KCNAB1: variants seen among roughly 807,000 people sequenced by gnomAD.
The protein encoded by KCNAB1 is voltage-gated potassium channel subunit beta-1.
Under a neutral mutation model 64.6 loss-of-function variants are expected in KCNAB1, and 35 were observed. The observed-to-expected ratio is 0.54, with a 90% CI of 0.41 to 0.72. The LOEUF (loss-of-function observed/expected upper bound fraction) is 0.72. Ranked by LOEUF, KCNAB1 falls within the 30% of genes least tolerant of loss-of-function variation. KCNAB1 has a pLI of 0.00. For missense variants in KCNAB1, 401 were observed against 512.9 expected, an observed-to-expected ratio of 0.78 and a Z score of 2.11; for synonymous variants, 177 against 183.8, an observed-to-expected ratio of 0.96 and a Z score of 0.30.
chr3:156,425,993 C>T lies in KCNAB1; in HGVS notation c.319+4334C>T, dbSNP rs552159286. 6.2e-4 allele frequency among the ~76,000 whole-genome samples: 94 copies of T among 152,052 alleles called. 1 individual carries two copies. The South Asian group carries it at 0.016, about 26-fold the overall frequency. On this transcript the variant is annotated intron_variant, in intron 2 of 13. Transcript: ENST00000490337. ...CGGCGACTCCAGAGGGAGACTCCAC[C>T]GAGGGGAGGTACTTGGGGAAATGGG... is the stretch of plus-strand genomic sequence containing the variant.
At chr3:156,241,080 C>CT (rs1717136139) in intron 1 of KCNAB1, among the ~76,000 whole-genome samples, 1 of 152,234 alleles carries the variant, frequency 6.6e-6, no homozygotes, top group Non-Finnish European at 1.5e-5. Context: ...TTCCCCAATA[C>CT]TTCCAGCCTG....
intron 1 of KCNAB1, among the ~76,000 whole-genome samples, chr3:156,261,719 T>A (rs1420375316): frequency 6.6e-6 from 1 of 151,978 alleles, no homozygotes; most frequent in Non-Finnish European, 1.5e-5. Flanking sequence ...CTATTTAAGT[T>A]CCTTGCATTT....
intron 8 of KCNAB1, among the ~76,000 whole-genome samples, chr3:156,510,104 C>T (rs903665856): frequency 1.3e-5 from 2 of 152,230 alleles, no homozygotes; most frequent in Non-Finnish European, 2.9e-5. Flanking sequence ...AGGACAAGAA[C>T]TCACAGAGTT....
chr3:156,373,919 T>A (rs1007122627), intron 1 of KCNAB1, among the ~76,000 whole-genome samples: 2 of 152,214 alleles, frequency 1.3e-5, no homozygotes, highest in African/African-American at 2.4e-5. Flanking sequence ...GCTCCCCAAC[T>A]GTGTCTGTCC....
At chr3:156,258,768 C>T (rs1478112344) in intron 1 of KCNAB1, among the ~76,000 whole-genome samples, 1 of 152,208 alleles carries the variant, frequency 6.6e-6, no homozygotes, top group Non-Finnish European at 1.5e-5. Context: ...AAGCCAAAAA[C>T]ATTAGGACTC....
Position 156,479,408 on chromosome 3 carries a change from GT to G in KCNAB1, c.658+4594del, listed in dbSNP as rs751355023. 6.6e-5 allele frequency among the ~76,000 whole-genome samples: 10 copies of G among 152,160 alleles called. No homozygotes were observed. The East Asian group carries it at 1.7e-3, about 26-fold the overall frequency. ...GTGTGTCCAAGGAGCCATATGAGGA[GT>G]TTTTTGGGTTTTTTTGTTTGTTTCT... On this transcript the variant is annotated intron_variant, in intron 8 of 13. Coordinates refer to ENST00000490337, the MANE Select transcript of KCNAB1 (RefSeq NM_172160.3).
intron 1 of KCNAB1, among the ~76,000 whole-genome samples, chr3:156,222,224 G>A (rs1715819431): frequency 6.6e-6 from 1 of 152,140 alleles, no homozygotes; most frequent in Non-Finnish European, 1.5e-5. Flanking sequence ...AGGTAAAGGG[G>A]GGCGGGAAGA....
At chr3:156,186,260 AT>A in intron 1 of KCNAB1, among the ~76,000 whole-genome samples, 1 of 151,702 alleles carries the variant, frequency 6.6e-6, no homozygotes, top group East Asian at 1.9e-4. Flanking sequence ...GAACCTGCCT[AT>A]TTTTTTTCTG....
intron 1 of KCNAB1, among the ~76,000 whole-genome samples, chr3:156,287,608 G>C (rs1164549155): frequency 6.6e-6 from 1 of 152,066 alleles, no homozygotes; most frequent in Non-Finnish European, 1.5e-5. Flanking sequence ...GAGGTGGGCA[G>C]ATCAGGTCAG....
At chr3:156,533,451 C>T (rs1718840818) in intron 13 of KCNAB1, among the ~76,000 whole-genome samples, 1 of 152,126 alleles carries the variant, frequency 6.6e-6, no homozygotes, top group Non-Finnish European at 1.5e-5. Context: ...ATGTGGTCAA[C>T]ACGTAGTTGA....
intron 1 of KCNAB1, among the ~76,000 whole-genome samples, chr3:156,226,342 G>T (rs1225623507): frequency 6.6e-6 from 1 of 152,100 alleles, no homozygotes; most frequent in Admixed American, 6.5e-5. Flanking sequence ...ACGGTGCTGG[G>T]ATAATTGGCT....
intron 1 of KCNAB1, among the ~76,000 whole-genome samples, chr3:156,404,836 G>T (rs955109593): frequency 1.3e-5 from 2 of 152,172 alleles, no homozygotes; most frequent in Non-Finnish European, 2.9e-5. Context: ...GGAGCAGAGG[G>T]AGAGTGGCCA....
At position 156,129,963 on chromosome 3, in the gene KCNAB1, C is replaced by G. The variant is rs145317424; in HGVS notation, c.275+9077C>G. On this transcript the variant is annotated intron_variant, in intron 1 of 13. Coordinates refer to ENST00000490337, the MANE Select transcript of KCNAB1 (RefSeq NM_172160.3). ...GCCTTGTCTGTCTCACACTTCCTCTCTCCATGCACAGTGGATCCATCTCTT... is the reference window on the plus strand; with the variant it reads ...GCCTTGTCTGTCTCACACTTCCTCTGTCCATGCACAGTGGATCCATCTCTT... Among the ~76,000 whole-genome samples the G allele has an allele frequency of 1.4e-4, 21 of 152,342 alleles. No individual in the cohort carries two copies. In the East Asian group the frequency reaches 4.1e-3, roughly 29 times the overall value.
At chr3:156,329,243 C>T (rs1290664786) in intron 1 of KCNAB1, among the ~76,000 whole-genome samples, 5 of 152,076 alleles carry the variant, frequency 3.3e-5, no homozygotes, top group Non-Finnish European at 7.4e-5. Context: ...GAATTTGTCC[C>T]CATCTTCCCC....
chr3:156,462,677 T>G (rs1404849453), intron 5 of KCNAB1, among the ~76,000 whole-genome samples: 2 of 152,182 alleles, frequency 1.3e-5, no homozygotes, highest in East Asian at 3.9e-4. Flanking sequence ...TCATACTAGG[T>G]TTTTATACCT....
chr3:156,421,652 G>T lies in KCNAB1; in HGVS notation c.312G>T (p.Leu104Phe). The T allele has an allele frequency of 3.1e-6, 5 of 1,613,994 alleles. No individual in the cohort carries two copies. The highest frequency in any genetic ancestry group is 4.2e-6 in the Non-Finnish European group (5 of 1,179,908). ...LGKSGLRVSC[L>F]GLGTWVTFGG... ...AATCAGGACTCAGAGTTTCTTGCTTGGGTCTTGGTAAGTACTGAGGGTGTG... is the reference window on the plus strand; with the variant it reads ...AATCAGGACTCAGAGTTTCTTGCTTTGGTCTTGGTAAGTACTGAGGGTGTG... The change falls in exon 2 of 14, where the codon TTG becomes TTT. Residue 104 changes from leucine (L) to phenylalanine (F), a missense_variant. Coordinates refer to ENST00000490337, the MANE Select transcript of KCNAB1 (RefSeq NM_172160.3).
intron 1 of KCNAB1, among the ~76,000 whole-genome samples, chr3:156,370,463 G>A (rs1322123262): frequency 2.6e-5 from 4 of 152,172 alleles, no homozygotes; most frequent in African/African-American, 9.7e-5. Context: ...AAAGTCCAGT[G>A]CCAGGATTAT....
At chr3:156,529,908 A>G (rs963367894) in intron 12 of KCNAB1, among the ~76,000 whole-genome samples, 35 of 152,296 alleles carry the variant, frequency 2.3e-4, no homozygotes, top group African/African-American at 7.9e-4. Flanking sequence ...CACTGCATCT[A>G]TGAGTCCAGC....
In KCNAB1 at chr3:156,475,752, T is replaced by C. The variant is rs1397700522; in HGVS notation, c.658+932T>C. Among the ~76,000 whole-genome samples, 4 of 152,296 alleles carry C rather than the reference T, an allele frequency of 2.6e-5. No homozygotes were observed. The East Asian group carries it at 7.7e-4, about 29-fold the overall frequency. Reference sequence around the variant, plus strand: ...ATCAGGCTCTGTAAAGAGTGGTTCTTGTTATAGGGTTATAGAAGGGTTATA... The same window carrying C: ...ATCAGGCTCTGTAAAGAGTGGTTCTCGTTATAGGGTTATAGAAGGGTTATA... On this transcript the variant is annotated intron_variant, in intron 8 of 13. Coordinates refer to ENST00000490337, the MANE Select transcript of KCNAB1 (RefSeq NM_172160.3).
Sources: gnomAD v4.1 joint callset for allele counts (sites outside exome capture counted in the v4.1 genomes callset) on GRCh38, gnomAD v4.1.1 for gene constraint, MANE v1.5 for transcripts, NCBI Gene and HGNC (gene_info 2026-07-23, HGNC 2026-07-21) for gene names.